SNX27: variants seen among roughly 807,000 people sequenced by gnomAD.
SNX27 encodes sorting nexin-27.
In SNX27, 22 loss-of-function variants were observed where a neutral mutation model predicts 71.6. The observed-to-expected ratio is 0.31, with a 90% CI of 0.22 to 0.44. The LOEUF (loss-of-function observed/expected upper bound fraction) is 0.44, where lower values mean the gene tolerates loss of function less well. Ranked by LOEUF, SNX27 falls within the 20% of genes least tolerant of loss-of-function variation. The pLI, the probability that SNX27 is intolerant of heterozygous loss-of-function variation, is 1.00. For synonymous variants in SNX27, 269 were observed against 277.2 expected (o/e 0.97, Z 0.29); for missense variants, 531 against 698.6 (o/e 0.76, Z 2.70).
At chr1:151,651,340 C>A (rs1248361475) in intron 2 of SNX27, among the ~76,000 whole-genome samples, 2 of 150,730 alleles carry the variant, frequency 1.3e-5, no homozygotes, top group African/African-American at 2.4e-5. Context: ...TGACCCCCCC[C>A]ACCTCCCTCC....
intron 7 of SNX27, chr1:151,679,749 A>C (rs1183698287): frequency 6.6e-6 from 1 of 152,230 alleles, no homozygotes; most frequent in Non-Finnish European, 1.5e-5. Context: ...TTACATATTT[A>C]TAATAATGCA....
chr1:151,683,434 A>G lies in SNX27; in HGVS notation c.1228A>G (p.Lys410Glu), dbSNP rs752891272. Reference sequence around the variant, plus strand: ...ATTACAGAAGCTATACGAACAAAGAAAAATGGTCATGGTAAGTTTATGTCC... The same window carrying G: ...ATTACAGAAGCTATACGAACAAAGAGAAATGGTCATGGTAAGTTTATGTCC... ...YQLQKLYEQRKMVMYLNMLRT... is the reference protein window; with the variant it reads ...YQLQKLYEQREMVMYLNMLRT... Residue 410 changes from lysine to glutamate, a missense_variant, in exon 8 of 12, where the codon AAA becomes GAA. By Grantham distance (56) the Lys-to-Glu change is moderately conservative (BLOSUM62 1). Transcript: ENST00000458013. The G allele has an allele frequency of 1.9e-6, 3 of 1,613,274 alleles. No individual in the cohort carries two copies. Among genetic ancestry groups the G allele is most frequent in the Non-Finnish European group, 2.5e-6 (3 of 1,179,650 alleles).
chr1:151,674,822 G>A (rs918040000), intron 7 of SNX27, among the ~76,000 whole-genome samples: 5 of 152,030 alleles, frequency 3.3e-5, no homozygotes, highest in African/African-American at 1.2e-4. Context: ...GAGTAGCTGG[G>A]ATTACAGGCA....
intron 4 of SNX27, 170 bp downstream of exon 4, chr1:151,661,032 C>G: frequency 3.7e-6 from 2 of 534,798 alleles, no homozygotes; most frequent in Non-Finnish European, 3.4e-6. Flanking sequence ...GACCTAGGTC[C>G]ACTTTCTCTT....
chr1:151,680,581 A>C (rs1357490706), intron 7 of SNX27: 1 of 152,210 alleles, frequency 6.6e-6, no homozygotes, highest in African/African-American at 2.4e-5. Flanking sequence ...AGTGTTCATC[A>C]AATATTAGTA....
chr1:151,625,941 CTG>C (rs1169126951), intron 1 of SNX27, among the ~76,000 whole-genome samples: 5 of 151,586 alleles, frequency 3.3e-5, no homozygotes, highest in Admixed American at 2.6e-4. Context: ...CAGAGTGAGA[CTG>C]TGTCACCAAA....
intron 11 of SNX27, chr1:151,694,105 T>TC (rs1671590687): frequency 8.8e-6 from 11 of 1,254,580 alleles, no homozygotes; most frequent in Non-Finnish European, 1.0e-5. Context: ...GGCTTTTTTT[T>TC]CCCTCTGTGT....
chr1:151,653,003 C>T (rs1281435307), intron 2 of SNX27, among the ~76,000 whole-genome samples: 1 of 150,008 alleles, frequency 6.7e-6, no homozygotes, highest in Non-Finnish European at 1.5e-5. Flanking sequence ...TCTTGGCCCA[C>T]TGCAACCTCC....
intron 5 of SNX27, among the ~76,000 whole-genome samples, chr1:151,663,368 T>C (rs1015715586): frequency 6.6e-6 from 1 of 152,124 alleles, no homozygotes; most frequent in Non-Finnish European, 1.5e-5. Flanking sequence ...GCCAGGATGG[T>C]CTGAATCTCC....
intron 1 of SNX27, 168 bp from the exon 2 acceptor site, chr1:151,638,720 T>C: frequency 3.1e-6 from 2 of 653,466 alleles, no homozygotes; most frequent in East Asian, 2.8e-5. Context: ...CACAAAGTTT[T>C]TCACATTAGA....
chr1:151,651,373 G>A (rs985707463), intron 2 of SNX27, among the ~76,000 whole-genome samples: 5 of 149,968 alleles, frequency 3.3e-5, no homozygotes, highest in South Asian at 4.2e-4. Flanking sequence ...CTGGCCTGGC[G>A]GGGGGCTGAC....
In SNX27 at chr1:151,697,924, G is replaced by A. The variant is rs993933084; in HGVS notation, c.*3507G>A. ...GGGTAGAAGCTCAGAGCTTTTTATG[G>A]CCCAGGAGAAAATGTAGACCCTGAG... On this transcript the variant is annotated 3_prime_UTR_variant, in exon 12 of 12. Coordinates refer to ENST00000458013, the MANE Select transcript of SNX27 (RefSeq NM_001330723.2). 2.6e-5 allele frequency: 4 copies of A among 152,158 alleles called. No individual in the cohort carries two copies. 9.4% of individuals were successfully genotyped at this position (152,158 alleles called of 1,614,324 possible). A position where few individuals can be genotyped will look rare whatever the true frequency, so the allele number is the denominator to read the frequency against.
chr1:151,683,482 C>T (rs1671059585), intron 8 of SNX27, 37 bp downstream of exon 8: 6 of 1,473,322 alleles, frequency 4.1e-6, no homozygotes, highest in Non-Finnish European at 5.6e-6. Context: ...TAAAAATGCC[C>T]CTTCCTACCT....
Position 151,616,887 on chromosome 1 carries a change from G to A in SNX27, c.311+4375G>A, listed in dbSNP as rs138208676. ...TTATGATTCAGTAGATCTTTCATAG[G>A]GCCTAGAAATCTTTATTTTTTTACT... is the stretch of plus-strand genomic sequence containing the variant. On this transcript the variant is annotated intron_variant, in intron 1 of 11. Transcript: ENST00000458013. Among the ~76,000 whole-genome samples the A allele has an allele frequency of 2.0e-4, 30 of 152,192 alleles. 1 individual carries two copies. The East Asian group carries it at 5.8e-3, about 29-fold the overall frequency.
chr1:151,621,340 G>A (rs1013107994), intron 1 of SNX27, among the ~76,000 whole-genome samples: 4 of 152,294 alleles, frequency 2.6e-5, no homozygotes, highest in Admixed American at 6.5e-5. Context: ...TTTCTGCAAG[G>A]TATTGAGTTG....
intron 1 of SNX27, among the ~76,000 whole-genome samples, chr1:151,614,647 C>T (rs1441323548): frequency 2.0e-5 from 3 of 152,174 alleles, no homozygotes; most frequent in Non-Finnish European, 4.4e-5. Context: ...TATTTTCTTT[C>T]TAGATAACTC....
In SNX27 at chr1:151,692,540, A is replaced by G. The variant is rs1473734790; in HGVS notation, c.1345A>G (p.Thr449Ala). 6.2e-7 allele frequency: 1 copy of G among 1,612,318 alleles called. No homozygotes were observed. The highest frequency in any genetic ancestry group is 8.5e-7 in the Non-Finnish European group (1 of 1,179,762). Residue 449 changes from threonine (T) to alanine (A), a missense_variant, in exon 9 of 12, where the codon ACG becomes GCG. Physicochemically the swap from Thr to Ala is moderately conservative, Grantham distance 58. Transcript: ENST00000458013. ...KGHVITAISI[T>A]HFKLHACTEE... ...GCACGTTATCACAGCCATCAGCATC[A>G]CGCACTTTAAACTGCATGCCTGCAC...
At chr1:151,679,486 T>C (rs773713727) in intron 7 of SNX27, 3 of 152,192 alleles carry the variant, frequency 2.0e-5, no homozygotes, top group Non-Finnish European at 4.4e-5. Flanking sequence ...TATTGGAATT[T>C]TAAAAAGCGT....
chr1:151,639,400 G>A (rs1034761441), intron 2 of SNX27, among the ~76,000 whole-genome samples: 2 of 152,104 alleles, frequency 1.3e-5, no homozygotes, highest in Admixed American at 6.6e-5. Context: ...GTGAGTTTTT[G>A]TTTAGTTTCT....
Sources: gnomAD v4.1 joint callset for allele counts (sites outside exome capture counted in the v4.1 genomes callset) on GRCh38, gnomAD v4.1.1 for gene constraint, MANE v1.5 for transcripts, NCBI Gene and HGNC (gene_info 2026-07-23, HGNC 2026-07-21) for gene names.